Variants in EPG5 observed in about 807,000 individuals in gnomAD.
EPG5 encodes the protein ectopic P granules protein 5 homolog.
A neutral mutation model predicts 302.7 loss-of-function variants in EPG5; 159 were observed. The observed-to-expected ratio is 0.53, with a 90% confidence interval of 0.46 to 0.60. The LOEUF (loss-of-function observed/expected upper bound fraction) is 0.60. Among genes scored for constraint, EPG5 ranks in the 20% least tolerant of loss-of-function variants. The pLI is 0.00. For missense variants in EPG5, 2,896 were observed against 3,092.4 expected (o/e 0.94, Z 1.51); for synonymous variants, 1,158 against 1,136.8 (o/e 1.02, Z -0.37).
intron 6 of EPG5, among the ~76,000 whole-genome samples, chr18:45,947,343 G>A (rs1255760324): frequency 6.6e-6 from 1 of 152,118 alleles, no homozygotes; most frequent in African/African-American, 2.4e-5. Context: ...AACCCAGGAG[G>A]CAGAGGTTGC....
chr18:45,836,146 T>C, the EPG5 span, among the ~76,000 whole-genome samples: 2 of 152,140 alleles, frequency 1.3e-5, no homozygotes, highest in African/African-American at 4.8e-5. Context: ...AAGGAGCAAA[T>C]TGGGCTAAAT....
At chr18:45,960,678 A>C (rs2143875413) in intron 1 of EPG5, among the ~76,000 whole-genome samples, 1 of 152,338 alleles carries the variant, frequency 6.6e-6, no homozygotes, top group African/African-American at 2.4e-5. Context: ...CTAAAGAAAA[A>C]TACAACAAAC....
rs1440881241 is a variant in EPG5 at position 45,901,790 on chromosome 18, C to CAT, written c.4475-624_4475-623insAT. Among the ~76,000 whole-genome samples, 677 of 151,454 alleles carry CAT rather than the reference C, an allele frequency of 4.5e-3. 113 individuals carry two copies. Among genetic ancestry groups the CAT allele is most frequent in the Admixed American group, 7.1e-3 (108 of 15,246 alleles). On this transcript the variant is annotated intron_variant, in intron 25 of 43. Transcript: ENST00000282041. The stretch of plus-strand genomic sequence containing the variant: ...CCACACACACACACACACACACACA[C>CAT]ACACACAAAGGTGAATCTCTACCAT...
chr18:45,842,283 C>T, the EPG5 span: 2 of 1,392,986 alleles, frequency 1.4e-6, no homozygotes, highest in Non-Finnish European at 2.0e-6. Context: ...TCTCGGGCAC[C>T]TTGGCAGCCC....
chr18:45,953,166 C>T (rs1195234841), intron 2 of EPG5: 7 of 469,300 alleles, frequency 1.5e-5, no homozygotes, highest in Non-Finnish European at 1.9e-5. Flanking sequence ...GAGCTAGACT[C>T]CATCTAAAAA....
At position 45,875,070 on chromosome 18, in the gene EPG5, G is replaced by A. The variant is rs530425551; in HGVS notation, c.6049+1166C>T. The stretch of plus-strand genomic sequence containing the variant: ...AAGTTTACTGTGAGAATTGAGGCCA[G>A]CCCGCAAGTGAGTTTGGGGTTTCAT... On this transcript the variant is annotated intron_variant, in intron 35 of 43. Coordinates refer to ENST00000282041, the MANE Select transcript of EPG5 (RefSeq NM_020964.3). Among the ~76,000 whole-genome samples the A allele has an allele frequency of 2.6e-5, 4 of 152,310 alleles. No individual in the cohort carries two copies. The South Asian group carries it at 8.3e-4, about 32-fold the overall frequency.
At chr18:45,861,453 CT>C (rs1302564409) in intron 39 of EPG5, among the ~76,000 whole-genome samples, 10 of 152,196 alleles carry the variant, frequency 6.6e-5, no homozygotes, top group Non-Finnish European at 1.2e-4. Context: ...GCTCTCAAAT[CT>C]TTTCCTAAAT....
intron 30 of EPG5, among the ~76,000 whole-genome samples, 165 bp from the exon 31 acceptor site, chr18:45,882,652 A>T (rs1330054066): frequency 1.3e-5 from 2 of 152,156 alleles, no homozygotes; most frequent in Non-Finnish European, 2.9e-5. Context: ...CAACCTGAGG[A>T]AGCTAATTGT....
intron 31 of EPG5, among the ~76,000 whole-genome samples, chr18:45,881,926 C>T (rs563351602): frequency 2.0e-5 from 3 of 152,216 alleles, no homozygotes; most frequent in Non-Finnish European, 4.4e-5. Context: ...AACCTCCTTG[C>T]TTTGCCAGAT....
the EPG5 span, among the ~76,000 whole-genome samples, chr18:45,838,159 C>T: frequency 1.3e-5 from 2 of 152,206 alleles, no homozygotes; most frequent in Non-Finnish European, 2.9e-5. Flanking sequence ...AGTGACTGTC[C>T]CCAGTGGCTC....
At chr18:45,829,230 T>G in the EPG5 span, 1 of 883,916 alleles carries the variant, frequency 1.1e-6, no homozygotes, top group Non-Finnish European at 1.4e-6. Context: ...GGCAGAGGCA[T>G]GGGTTAAAGG....
the EPG5 span, among the ~76,000 whole-genome samples, chr18:45,841,733 G>A: frequency 6.6e-6 from 1 of 152,182 alleles, no homozygotes; most frequent in Non-Finnish European, 1.5e-5. Context: ...GCGGGTGTGA[G>A]GGTCATGCGT....
Position 45,848,454 on chromosome 18 carries a change from C to T in EPG5, c.*4013G>A, listed in dbSNP as rs1222468847. On this transcript the variant is annotated 3_prime_UTR_variant, in exon 44 of 44. Transcript: ENST00000282041. The stretch of plus-strand genomic sequence containing the variant: ...CTCAACTTGCCACTAGCTTAATGTG[C>T]CTCCCATGGGGCACAGCTACTGAAA... The T allele has an allele frequency of 6.6e-6, 1 of 152,220 alleles. No individual in the cohort carries two copies. Among genetic ancestry groups the T allele is most frequent in the Non-Finnish European group, 1.5e-5 (1 of 68,054 alleles). 9.4% of individuals were successfully genotyped at this position (152,220 alleles called of 1,614,324 possible). A position where few individuals can be genotyped will look rare whatever the true frequency, so the allele number is the denominator to read the frequency against.
chr18:45,967,259 T>C lies in EPG5; in HGVS notation c.-20A>G. ...GGCCATAGACCCTTCCGCGGCGCCG[T>C]CACCGTTTGTTTTTGTCAAACCCCT... On this transcript the variant is annotated 5_prime_UTR_variant, in exon 1 of 44. Coordinates refer to ENST00000282041, the MANE Select transcript of EPG5 (RefSeq NM_020964.3). 1 of 1,574,554 alleles carries C rather than the reference T, an allele frequency of 6.4e-7. No homozygotes were observed.
In EPG5 at chr18:45,855,572, C is replaced by T. The variant is rs1453910564; in HGVS notation, c.7557+1G>A. 6.2e-7 allele frequency: 1 copy of T among 1,612,188 alleles called. No individual in the cohort carries two copies. Among genetic ancestry groups the T allele is most frequent in the African/African-American group, 1.3e-5 (1 of 74,862 alleles). ...TCTAACCCTTCATTGTATATACTGA[C>T]CTGCTGAGCTTTGGGGGTCAGATGT... On this transcript the variant is annotated splice_donor_variant, in intron 43 of 43. Transcript: ENST00000282041. LOFTEE classifies it high-confidence loss of function.
At chr18:45,806,985 G>A in the EPG5 span, among the ~76,000 whole-genome samples, 4 of 152,168 alleles carry the variant, frequency 2.6e-5, no homozygotes. Flanking sequence ...TCTCAGCCCT[G>A]CTCGCCCATT....
At chr18:45,812,873 T>C in the EPG5 span, among the ~76,000 whole-genome samples, 7 of 152,166 alleles carry the variant, frequency 4.6e-5, no homozygotes, top group South Asian at 4.1e-4. Context: ...GGACTTCATG[T>C]CTAAAACACC....
Position 45,967,276 on chromosome 18 carries a change from C to G in EPG5, c.-37G>C, listed in dbSNP as rs771749353. On this transcript the variant is annotated 5_prime_UTR_variant, in exon 1 of 44. Transcript: ENST00000282041. Reference sequence around the variant, plus strand: ...CGGCGCCGTCACCGTTTGTTTTTGTCAAACCCCTGCGCTTCAAGCAACCTG... The same window carrying G: ...CGGCGCCGTCACCGTTTGTTTTTGTGAAACCCCTGCGCTTCAAGCAACCTG... 1.5e-5 allele frequency: 23 copies of G among 1,547,254 alleles called. No homozygotes were observed. The highest frequency in any genetic ancestry group is 5.9e-5 in the Admixed American group (3 of 50,670).
At chr18:45,876,890 T>A (rs2145369781) in intron 34 of EPG5, among the ~76,000 whole-genome samples, 1 of 152,128 alleles carries the variant, frequency 6.6e-6, no homozygotes, top group African/African-American at 2.4e-5. Flanking sequence ...TTCAAGCAAC[T>A]CTTCTGCATC....
Sources: gnomAD v4.1 joint callset for allele counts (sites outside exome capture counted in the v4.1 genomes callset) on GRCh38, gnomAD v4.1.1 for gene constraint, MANE v1.5 for transcripts, NCBI Gene and HGNC (gene_info 2026-07-23, HGNC 2026-07-21) for gene names.